Variants in ZEB1 observed in about 807,000 individuals in gnomAD.
The protein encoded by ZEB1 is zinc finger E-box-binding homeobox 1.
Under a neutral mutation model 84.9 loss-of-function variants are expected in ZEB1, and 21 were observed. That is an observed-to-expected ratio of 0.25 (90% CI 0.18 to 0.36). ZEB1 has a LOEUF of 0.36. Among genes scored for constraint, ZEB1 ranks in the 10% least tolerant of loss-of-function variants. The probability of loss-of-function intolerance (pLI) is 1.00; values close to 1 mark genes in which losing one functional copy is unlikely to be tolerated. For missense variants in ZEB1, 1,104 were observed against 1,330.2 expected, an observed-to-expected ratio of 0.83 and a Z score of 2.65; for synonymous variants, 420 against 471.1, an observed-to-expected ratio of 0.89 and a Z score of 1.41.
chr10:31,446,643 T>G (rs977711817), intron 1 of ZEB1, among the ~76,000 whole-genome samples: 89 of 152,142 alleles, frequency 5.8e-4, no homozygotes, highest in Non-Finnish European at 1.2e-3. Flanking sequence ...AAAGAATATC[T>G]TTATTTCTGC....
intron 1 of ZEB1, among the ~76,000 whole-genome samples, chr10:31,419,031 G>A (rs1564793378): frequency 6.6e-6 from 1 of 152,104 alleles, no homozygotes. Context: ...CTTAGTACTA[G>A]TAATGTTTCT....
intron 1 of ZEB1, among the ~76,000 whole-genome samples, chr10:31,393,992 A>G (rs1277322054): frequency 6.6e-6 from 1 of 152,216 alleles, no homozygotes; most frequent in Non-Finnish European, 1.5e-5. Context: ...TCTATAGAGA[A>G]CTGTGAGAAT....
rs533986904 is a variant in ZEB1 at position 31,500,834 on chromosome 10, A to G, written c.323-1514A>G. Among the ~76,000 whole-genome samples the G allele has an allele frequency of 1.1e-4, 17 of 152,348 alleles. No individual in the cohort carries two copies. The East Asian group carries it at 1.5e-3, about 14-fold the overall frequency. ...CTTTAAACCCAACAGTCCAGCTTAC[A>G]TTTTAAAAGTCTTCGCTTACCTCTG... On this transcript the variant is annotated intron_variant, in intron 3 of 8. Transcript: ENST00000424869.
chr10:31,319,140 T>G (rs1319741414), upstream of ZEB1: 109 of 275,172 alleles, frequency 4.0e-4, no homozygotes, highest in Middle Eastern at 1.1e-3. Context: ...CCAGGTGCGG[T>G]GGGGAGGGGG....
At chr10:31,452,742 T>TGTGTGTGAGA (rs1387786622) in intron 1 of ZEB1, among the ~76,000 whole-genome samples, 85 of 90,804 alleles carry the variant, frequency 9.4e-4, no homozygotes, top group Middle Eastern at 6.0e-3. Flanking sequence ...TGTGTGTGTG[T>TGTGTGTGAGA]GAGAGAGAGA....
rs536775108 is a variant in ZEB1, at chr10:31,529,731, T to C, written c.*2467T>C. On this transcript the variant is annotated 3_prime_UTR_variant, in exon 9 of 9. Coordinates refer to ENST00000424869, the MANE Select transcript of ZEB1 (RefSeq NM_001174096.2). The stretch of plus-strand genomic sequence containing the variant: ...CCAGAATATATGTTAAATGATCTAA[T>C]AATTTGATTATTTTCTTATAAGTCT... The C allele has an allele frequency of 6.6e-6, 1 of 152,382 alleles. No homozygotes were observed. The highest frequency in any genetic ancestry group is 2.4e-5 in the African/African-American group (1 of 41,594). 9.4% of individuals were successfully genotyped at this position (152,382 alleles called of 1,614,324 possible).
chr10:31,510,961 A>G (rs778321374), intron 5 of ZEB1, 86 bp downstream of exon 5: 267 of 1,296,916 alleles, frequency 2.1e-4, no homozygotes, highest in Non-Finnish European at 2.8e-4. Flanking sequence ...AATATATTTG[A>G]AAGTTAAAAG....
intron 2 of ZEB1, among the ~76,000 whole-genome samples, chr10:31,492,545 A>G (rs540433935): frequency 6.6e-6 from 1 of 151,974 alleles, no homozygotes; most frequent in Admixed American, 6.6e-5. Flanking sequence ...ATAAATGTGC[A>G]TGGCATGTGT....
intron 1 of ZEB1, among the ~76,000 whole-genome samples, chr10:31,354,343 A>C (rs569073177): frequency 6.6e-6 from 1 of 152,330 alleles, no homozygotes; most frequent in African/African-American, 2.4e-5. Context: ...GTTAATTTAA[A>C]GAATATGTTC....
At chr10:31,416,775 A>C (rs1258668937) in intron 1 of ZEB1, among the ~76,000 whole-genome samples, 1 of 152,172 alleles carries the variant, frequency 6.6e-6, no homozygotes, top group Non-Finnish European at 1.5e-5. Context: ...ACATGGGCAC[A>C]TATTTACCAA....
intron 3 of ZEB1, among the ~76,000 whole-genome samples, chr10:31,500,521 G>GA (rs1324336732): frequency 6.6e-6 from 1 of 152,088 alleles, no homozygotes; most frequent in Admixed American, 6.6e-5. Context: ...ATGTAAACAG[G>GA]AAAGACCAGA....
chr10:31,379,548 C>T (rs1336778866), intron 1 of ZEB1, among the ~76,000 whole-genome samples: 3 of 151,760 alleles, frequency 2.0e-5, no homozygotes, highest in Non-Finnish European at 2.9e-5. Flanking sequence ...TCTTTTAAAG[C>T]GTGGGTCAAT....
chr10:31,396,117 G>GT lies in ZEB1; in HGVS notation c.59-64914dup, dbSNP rs909629393. Among the ~76,000 whole-genome samples, 5 of 152,222 alleles carry GT rather than the reference G, an allele frequency of 3.3e-5. No individual in the cohort carries two copies. In the East Asian group the frequency reaches 7.7e-4, roughly 23 times the overall value. Reference sequence around the variant, plus strand: ...CAACATTGTAAGTATACAGTAAGTTGTTTTTTCTTTTAAATTTTTGCCTCT... The same window carrying GT: ...CAACATTGTAAGTATACAGTAAGTTGTTTTTTTCTTTTAAATTTTTGCCTCT... On this transcript the variant is annotated intron_variant, in intron 1 of 8. Coordinates refer to ENST00000424869, the MANE Select transcript of ZEB1 (RefSeq NM_001174096.2).
intron 3 of ZEB1, among the ~76,000 whole-genome samples, chr10:31,498,714 C>T (rs1483571054): frequency 6.6e-6 from 1 of 151,870 alleles, no homozygotes; most frequent in African/African-American, 2.4e-5. Flanking sequence ...TTTAACATCA[C>T]TATTACATAT....
chr10:31,445,413 C>T (rs2059628062), intron 1 of ZEB1, among the ~76,000 whole-genome samples: 1 of 147,238 alleles, frequency 6.8e-6, no homozygotes, highest in South Asian at 2.1e-4. Flanking sequence ...TTATTTCCTT[C>T]TCCTGCCTAA....
intron 1 of ZEB1, among the ~76,000 whole-genome samples, chr10:31,348,113 G>A (rs2040639812): frequency 6.6e-6 from 1 of 152,100 alleles, no homozygotes; most frequent in African/African-American, 2.4e-5. Context: ...TTCTCATTCT[G>A]TAAAATATGA....
chr10:31,455,734 T>C (rs1325986461), intron 1 of ZEB1, among the ~76,000 whole-genome samples: 4 of 152,122 alleles, frequency 2.6e-5, no homozygotes, highest in East Asian at 1.9e-4. Context: ...GTTAGAATGG[T>C]GGTCATTAAA....
chr10:31,467,518 C>T (rs571750573), intron 2 of ZEB1, among the ~76,000 whole-genome samples: 23 of 152,308 alleles, frequency 1.5e-4, no homozygotes, highest in African/African-American at 5.5e-4. Flanking sequence ...CTGGCCATTG[C>T]TGTGGAGTGG....
intron 6 of ZEB1, among the ~76,000 whole-genome samples, chr10:31,519,499 T>G (rs754151168): frequency 6.6e-6 from 1 of 152,172 alleles, no homozygotes; most frequent in Non-Finnish European, 1.5e-5. Context: ...GTCACTAAAA[T>G]TGAAACTCCA....
Sources: gnomAD v4.1 joint callset for allele counts (sites outside exome capture counted in the v4.1 genomes callset) on GRCh38, gnomAD v4.1.1 for gene constraint, MANE v1.5 for transcripts, NCBI Gene and HGNC (gene_info 2026-07-23, HGNC 2026-07-21) for gene names.